FERMT2: variants seen among roughly 807,000 people sequenced by gnomAD.
FERMT2 encodes the protein fermitin family homolog 2.
In FERMT2, 15 loss-of-function variants were observed where a neutral mutation model predicts 82.7. The ratio of observed to expected loss-of-function variants is 0.18; its 90% CI spans 0.12 to 0.28. The LOEUF is 0.28. FERMT2 is among the 10% of genes least tolerant of loss of function. FERMT2 has a pLI of 1.00. For synonymous variants in FERMT2, 274 were observed against 271.5 expected (o/e 1.01, Z -0.09); for missense variants, 645 against 809.4 (o/e 0.80, Z 2.46).
chr14:52,931,672 T>C (rs1889576859), intron 2 of FERMT2, among the ~76,000 whole-genome samples: 1 of 152,202 alleles, frequency 6.6e-6, no homozygotes, highest in South Asian at 2.1e-4. Flanking sequence ...AGCACTAAGA[T>C]TTGTTTACTG....
chr14:52,926,151 AATACTT>A (rs1889259943), intron 2 of FERMT2, among the ~76,000 whole-genome samples: 1 of 152,114 alleles, frequency 6.6e-6, no homozygotes. Context: ...ATGACTTTAA[AATACTT>A]ACGAATAATG....
intron 2 of FERMT2, among the ~76,000 whole-genome samples, chr14:52,948,276 C>T (rs754045673): frequency 6.6e-6 from 1 of 152,226 alleles, no homozygotes. Context: ...CAGTTTTACG[C>T]AACTCTGAAA....
intron 3 of FERMT2, among the ~76,000 whole-genome samples, chr14:52,917,261 C>T (rs1888665297): frequency 6.6e-6 from 1 of 151,300 alleles, no homozygotes; most frequent in Admixed American, 6.6e-5. Flanking sequence ...GATATATACA[C>T]ACAGAGATAC....
chr14:52,914,066 T>G (rs1258024693), intron 3 of FERMT2, among the ~76,000 whole-genome samples: 1 of 151,882 alleles, frequency 6.6e-6, no homozygotes, highest in African/African-American at 2.4e-5. Context: ...GCGCTAGCAA[T>G]TAAAACAAAA....
chr14:52,896,728 G>A (rs1440927190), intron 3 of FERMT2, among the ~76,000 whole-genome samples: 1 of 152,108 alleles, frequency 6.6e-6, no homozygotes, highest in African/African-American at 2.4e-5. Flanking sequence ...AGTGGTTCAC[G>A]CCTGTAATCC....
intron 3 of FERMT2, among the ~76,000 whole-genome samples, chr14:52,894,281 C>T (rs1887127906): frequency 6.6e-6 from 1 of 152,142 alleles, no homozygotes; most frequent in Non-Finnish European, 1.5e-5. Context: ...AACACACACA[C>T]ACACAATATA....
At chr14:52,879,764 G>C (rs551893368) in intron 6 of FERMT2, among the ~76,000 whole-genome samples, 1 of 152,248 alleles carries the variant, frequency 6.6e-6, no homozygotes, top group East Asian at 1.9e-4. Flanking sequence ...AGCCAAGAGA[G>C]GTTTCTTTCC....
chr14:52,895,282 T>C (rs993695242), intron 3 of FERMT2, among the ~76,000 whole-genome samples: 3 of 152,176 alleles, frequency 2.0e-5, no homozygotes, highest in Admixed American at 2.0e-4. Flanking sequence ...AATGAGACAA[T>C]TTTTTGAAAA....
chr14:52,907,801 C>T (rs1200929817), intron 3 of FERMT2, among the ~76,000 whole-genome samples: 2 of 151,156 alleles, frequency 1.3e-5, no homozygotes, highest in East Asian at 3.9e-4. Flanking sequence ...ACCAAAAACC[C>T]CTTAATCTAC....
At chr14:52,868,765 G>A (rs867246178) in intron 10 of FERMT2, among the ~76,000 whole-genome samples, 5 of 152,078 alleles carry the variant, frequency 3.3e-5, no homozygotes, top group Admixed American at 2.0e-4. Context: ...TGGAAGGATC[G>A]CTTGACCCCA....
rs1235668908 is a variant in FERMT2 at position 52,858,016 on chromosome 14, T to C, written c.*361A>G. Reference sequence around the variant, plus strand: ...TACATTAAATCACATGCATTAGACATGATAAATAGAGTTCATATAGGTTAA... The same window carrying C: ...TACATTAAATCACATGCATTAGACACGATAAATAGAGTTCATATAGGTTAA... On this transcript the variant is annotated 3_prime_UTR_variant, in exon 15 of 15. Transcript: ENST00000341590. The C allele has an allele frequency of 5.4e-6, 1 of 185,314 alleles. No homozygotes were observed. The highest frequency in any genetic ancestry group is 1.1e-5 in the Non-Finnish European group (1 of 88,028). 11.5% of individuals were successfully genotyped at this position (185,314 alleles called of 1,614,324 possible).
At chr14:52,914,141 T>C (rs529854471) in intron 3 of FERMT2, among the ~76,000 whole-genome samples, 4 of 152,020 alleles carry the variant, frequency 2.6e-5, no homozygotes, top group African/African-American at 9.7e-5. Context: ...GGCAGGTGGA[T>C]TGCTTGAGCA....
At chr14:52,913,215 ATATT>A (rs1268429125) in intron 3 of FERMT2, among the ~76,000 whole-genome samples, 1 of 152,186 alleles carries the variant, frequency 6.6e-6, no homozygotes, top group African/African-American at 2.4e-5. Context: ...CTTTAGGTGG[ATATT>A]TAAACATAAA....
intron 2 of FERMT2, among the ~76,000 whole-genome samples, chr14:52,923,345 GAC>G (rs1594999717): frequency 6.6e-6 from 1 of 151,826 alleles, no homozygotes; most frequent in East Asian, 1.9e-4. Context: ...CACAACATTA[GAC>G]ACAGACTGCA....
At chr14:52,870,719 G>C (rs1885566642) in intron 10 of FERMT2, among the ~76,000 whole-genome samples, 1 of 152,166 alleles carries the variant, frequency 6.6e-6, no homozygotes, top group African/African-American at 2.4e-5. Flanking sequence ...CATGGTTTGT[G>C]TAAGTACACA....
intron 4 of FERMT2, among the ~76,000 whole-genome samples, chr14:52,889,224 C>T (rs1240409347): frequency 6.6e-6 from 1 of 152,140 alleles, no homozygotes; most frequent in African/African-American, 2.4e-5. Context: ...AGAAGTTGCT[C>T]AATAAATGTG....
chr14:52,858,220 C>T lies in FERMT2; in HGVS notation c.*157G>A, dbSNP rs1884688509. The T allele has an allele frequency of 1.6e-5, 10 of 609,136 alleles. No individual in the cohort carries two copies. The highest frequency in any genetic ancestry group is 1.7e-5 in the Non-Finnish European group (6 of 344,486). 37.7% of individuals were successfully genotyped at this position (609,136 alleles called of 1,614,324 possible). A position where few individuals can be genotyped will look rare whatever the true frequency, so the allele number is the denominator to read the frequency against. On this transcript the variant is annotated 3_prime_UTR_variant, in exon 15 of 15. Coordinates refer to ENST00000341590, the MANE Select transcript of FERMT2 (RefSeq NM_006832.3). The stretch of plus-strand genomic sequence containing the variant: ...ATAACATGATAGATTAATAGTCGTG[C>T]TTGTTTAGTGCACATATTAACTGGT...
intron 6 of FERMT2, among the ~76,000 whole-genome samples, chr14:52,879,323 A>G (rs1397936975): frequency 6.6e-6 from 1 of 152,226 alleles, no homozygotes; most frequent in African/African-American, 2.4e-5. Flanking sequence ...AGTATCCCTT[A>G]TCCAGAATGC....
intron 10 of FERMT2, among the ~76,000 whole-genome samples, chr14:52,871,283 C>A (rs1885606657): frequency 6.6e-6 from 1 of 152,196 alleles, no homozygotes; most frequent in African/African-American, 2.4e-5. Flanking sequence ...CTTTGCTCTT[C>A]TAAGGGAAGA....
Sources: allele counts gnomAD v4.1 joint callset (sites outside exome capture counted in the v4.1 genomes callset), GRCh38; gene constraint gnomAD v4.1.1; transcripts MANE v1.5; gene names NCBI Gene and HGNC (gene_info 2026-07-23, HGNC 2026-07-21).